LIN9: variants seen among roughly 807,000 people sequenced by gnomAD.
LIN9 encodes protein lin-9 homolog.
Under a neutral mutation model 78.0 loss-of-function variants are expected in LIN9, and 18 were observed. That is an observed-to-expected ratio of 0.23 (90% CI 0.16 to 0.34). LIN9 has a LOEUF of 0.34. Among genes scored for constraint, LIN9 ranks in the 10% least tolerant of loss-of-function variants. The probability of loss-of-function intolerance (pLI) is 1.00; values close to 1 mark genes in which losing one functional copy is unlikely to be tolerated. For synonymous variants in LIN9, 192 were observed against 215.2 expected, an observed-to-expected ratio of 0.89 and a Z score of 0.94; for missense variants, 451 against 644.1, an observed-to-expected ratio of 0.70 and a Z score of 3.25.
At chr1:226,287,073 G>A (rs1320822390) in intron 5 of LIN9, among the ~76,000 whole-genome samples, 1 of 152,154 alleles carries the variant, frequency 6.6e-6, no homozygotes, top group East Asian at 1.9e-4. Flanking sequence ...ATAGAAAACA[G>A]AGAAGGGAAG....
rs1659838129 is a variant in LIN9 at position 226,265,341 on chromosome 1, A to G, written c.1038+192T>C. On this transcript the variant is annotated intron_variant, in intron 10 of 14. Coordinates refer to ENST00000681046, the MANE Select transcript of LIN9 (RefSeq NM_001366245.2). This position sits in a 1 kb window ranked among gnomAD's most constrained non-coding sequence, Gnocchi z 4.1. The stretch of plus-strand genomic sequence containing the variant: ...TAATAAGAACTCAGACACAAGACAA[A>G]GCTCAAGAAGAAAGATCTTTAAGTC... Among the ~76,000 whole-genome samples the G allele has an allele frequency of 6.6e-6, 1 of 152,230 alleles. No individual in the cohort carries two copies. Among genetic ancestry groups the G allele is most frequent in the Non-Finnish European group, 1.5e-5 (1 of 68,040 alleles).
chr1:226,244,756 C>G (rs1658353336), intron 11 of LIN9, among the ~76,000 whole-genome samples: 1 of 152,226 alleles, frequency 6.6e-6, no homozygotes, highest in Admixed American at 6.5e-5. Flanking sequence ...TACAACAATG[C>G]TGTGATGAAC....
At chr1:226,301,277 G>A (rs1322770771) in intron 1 of LIN9, 72 bp from the exon 2 acceptor site, 31 of 1,128,794 alleles carry the variant, frequency 2.7e-5, no homozygotes, top group Non-Finnish European at 4.0e-5. Context: ...TTGGTTTGGG[G>A]GTAAAAGTGA....
At chr1:226,285,256 A>C (rs983647960) in intron 6 of LIN9, among the ~76,000 whole-genome samples, 1 of 152,216 alleles carries the variant, frequency 6.6e-6, no homozygotes, top group Non-Finnish European at 1.5e-5. Flanking sequence ...GATAGCAAAA[A>C]GTCACCAAAT....
intron 8 of LIN9, among the ~76,000 whole-genome samples, chr1:226,267,230 G>GATATATAT (rs4012808): frequency 9.6e-4 from 132 of 137,694 alleles, no homozygotes; most frequent in East Asian, 7.1e-3. Flanking sequence ...GCACTAAGGA[G>GATATATAT]ATATATATAT....
At chr1:226,302,411 C>A (rs564882160) in intron 1 of LIN9, among the ~76,000 whole-genome samples, 18 of 152,056 alleles carry the variant, frequency 1.2e-4, no homozygotes, top group African/African-American at 4.3e-4. Flanking sequence ...GGTGTGGTGG[C>A]GAGCACCTGT....
intron 6 of LIN9, 151 bp downstream of exon 6, chr1:226,286,182 T>G (rs934965391): frequency 2.0e-5 from 13 of 643,340 alleles, no homozygotes; most frequent in Non-Finnish European, 3.0e-5. Context: ...GCAGTGACTA[T>G]TCACAGGTGT....
chr1:226,289,590 G>A lies in LIN9; in HGVS notation c.265-1793C>T, dbSNP rs564377734. ...GTTACCAGGTTGGTCCCAAACTCCTGGGCTCAAGCGATCTTCCTGCCTCAG... is the reference window on the plus strand; with the variant it reads ...GTTACCAGGTTGGTCCCAAACTCCTAGGCTCAAGCGATCTTCCTGCCTCAG... On this transcript the variant is annotated intron_variant, in intron 4 of 14. Coordinates refer to ENST00000681046, the MANE Select transcript of LIN9 (RefSeq NM_001366245.2). Among the ~76,000 whole-genome samples, 25 of 152,082 alleles carry A rather than the reference G, an allele frequency of 1.6e-4. 1 individual carries two copies. The South Asian group carries it at 5.2e-3, about 32-fold the overall frequency.
At chr1:226,299,776 TA>T (rs965102637) in intron 2 of LIN9, among the ~76,000 whole-genome samples, 1 of 152,152 alleles carries the variant, frequency 6.6e-6, no homozygotes, top group African/African-American at 2.4e-5. Flanking sequence ...GGTAAAATTT[TA>T]AAGAAACTAT....
chr1:226,260,865 T>G (rs572057534), intron 10 of LIN9, among the ~76,000 whole-genome samples: 70 of 152,056 alleles, frequency 4.6e-4, no homozygotes, highest in African/African-American at 1.6e-3. Flanking sequence ...CAGGATGGTC[T>G]CGATCTCCTG....
intron 12 of LIN9, among the ~76,000 whole-genome samples, chr1:226,234,363 A>C (rs540645019): frequency 6.6e-6 from 1 of 152,308 alleles, no homozygotes; most frequent in African/African-American, 2.4e-5. Context: ...ATTTTACTAC[A>C]AAGTAGTTTC....
Position 226,240,386 on chromosome 1 carries a change from G to GT in LIN9, c.1120-1291dup, listed in dbSNP as rs34988388. 2.4e-3 allele frequency among the ~76,000 whole-genome samples: 298 copies of GT among 123,964 alleles called. 1 individual carries two copies. The highest frequency in any genetic ancestry group is 4.3e-3 in the Middle Eastern group (1 of 230). The allele number at this position is 123,964 out of a possible 152,430, so 81.3% of individuals were successfully genotyped here. ...TGCCACCACACCCAGCTTGTTCTAA[G>GT]TTTTTTTTTTTTTTTTTTTGAGACA... On this transcript the variant is annotated intron_variant, in intron 11 of 14. Transcript: ENST00000681046.
At chr1:226,295,990 C>T (rs761542217) in intron 3 of LIN9, 44 bp from the exon 4 acceptor site, 2 of 1,353,836 alleles carry the variant, frequency 1.5e-6, no homozygotes, top group East Asian at 4.6e-5. Context: ...CCGAACCCTC[C>T]CATTTTTGTT....
At chr1:226,278,085 G>A (rs778704803) in intron 6 of LIN9, among the ~76,000 whole-genome samples, 153 bp from the exon 7 acceptor site, 1 of 150,782 alleles carries the variant, frequency 6.6e-6, no homozygotes, top group African/African-American at 2.4e-5. Context: ...CTCCATCTCC[G>A]GCTCAAGCGA....
At chr1:226,247,847 T>A (rs1658584739) in intron 11 of LIN9, among the ~76,000 whole-genome samples, 2 of 152,028 alleles carry the variant, frequency 1.3e-5, no homozygotes, top group African/African-American at 2.4e-5. Flanking sequence ...TAATTTTTTT[T>A]ATTTTCAGTA....
chr1:226,232,791 G>A (rs187105296), intron 14 of LIN9, 185 bp from the exon 15 acceptor site: 1 of 499,296 alleles, frequency 2.0e-6, no homozygotes, highest in Non-Finnish European at 3.5e-6. Context: ...CTCTAAAGAA[G>A]CAAAGGAGCC....
intron 10 of LIN9, among the ~76,000 whole-genome samples, chr1:226,257,776 CA>C (rs1285080613): frequency 6.6e-6 from 1 of 151,940 alleles, no homozygotes; most frequent in Non-Finnish European, 1.5e-5. Context: ...ATATGAGCAA[CA>C]AATAGAACAT....
intron 6 of LIN9, among the ~76,000 whole-genome samples, chr1:226,280,802 A>C (rs921342984): frequency 6.6e-6 from 1 of 152,140 alleles, no homozygotes; most frequent in Non-Finnish European, 1.5e-5. Context: ...AAAAAAAACC[A>C]GACTTGCTTC....
chr1:226,257,827 C>A (rs7367845), intron 10 of LIN9, among the ~76,000 whole-genome samples: 60,637 of 151,994 alleles, frequency 0.4, 12,315 homozygotes, highest in East Asian at 0.48. Flanking sequence ...ATATGATAAT[C>A]CAACTACATC....
Sources: gnomAD v4.1 joint callset for allele counts (sites outside exome capture counted in the v4.1 genomes callset) on GRCh38, gnomAD v4.1.1 for gene constraint, Gnocchi (gnomAD v3.1) non-coding constraint, MANE v1.5 for transcripts, NCBI Gene and HGNC (gene_info 2026-07-23, HGNC 2026-07-21) for gene names.